DCDC1: variants seen among roughly 807,000 people sequenced by gnomAD.
The protein encoded by DCDC1 is doublecortin domain-containing protein 1.
Under a neutral mutation model 178.3 loss-of-function variants are expected in DCDC1, and 200 were observed. The observed-to-expected ratio is 1.12, with a 90% CI of 1.00 to 1.26. DCDC1 has a LOEUF of 1.26. DCDC1 is among the 50% of genes most tolerant of loss of function. The pLI is 0.00. For missense variants in DCDC1, 1,983 were observed against 1,749.2 expected (o/e 1.13, Z -2.38); for synonymous variants, 690 against 604.8 (o/e 1.14, Z -2.07).
intron 36 of DCDC1, among the ~76,000 whole-genome samples, chr11:30,889,904 C>A (rs1443608736): frequency 1.3e-5 from 2 of 152,096 alleles, no homozygotes; most frequent in East Asian, 3.9e-4. Flanking sequence ...TGACTATATT[C>A]GAAGATAGAG....
chr11:31,111,450 T>C (rs540305808), intron 11 of DCDC1, among the ~76,000 whole-genome samples: 12 of 152,268 alleles, frequency 7.9e-5, no homozygotes, highest in South Asian at 2.1e-4. Context: ...TGTCAAAAAT[T>C]GCAGGTTTCA....
At chr11:30,868,319 C>T (rs1310227292) in intron 38 of DCDC1, among the ~76,000 whole-genome samples, 3 of 128,718 alleles carry the variant, frequency 2.3e-5, no homozygotes, top group Non-Finnish European at 4.7e-5. Context: ...GGTGTGATCT[C>T]GGCTCACTGC....
At chr11:31,322,652 G>A (rs1021423479) in intron 3 of DCDC1, among the ~76,000 whole-genome samples, 3 of 152,154 alleles carry the variant, frequency 2.0e-5, no homozygotes, top group African/African-American at 7.2e-5. Context: ...CATGTGATGA[G>A]CCATCTTGCA....
chr11:31,287,391 A>G (rs1172349090), intron 7 of DCDC1, among the ~76,000 whole-genome samples: 2 of 152,012 alleles, frequency 1.3e-5, no homozygotes, highest in Non-Finnish European at 2.9e-5. Context: ...GGAGTTCCAT[A>G]AAATAATAAC....
rs372464522 is a variant in DCDC1, at chr11:31,081,518, G to A, written c.2238-3593C>T. 1.9e-3 allele frequency among the ~76,000 whole-genome samples: 296 copies of A among 152,206 alleles called. 1 individual carries two copies. The highest frequency in any genetic ancestry group is 6.8e-3 in the African/African-American group (284 of 41,528). ...CCAGCTACTCGGGAGGCTGAGACAG[G>A]AGAATCGCTTGAACCCAGGAGGCGG... On this transcript the variant is annotated intron_variant, in intron 17 of 38. Transcript: ENST00000684477.
intron 17 of DCDC1, among the ~76,000 whole-genome samples, chr11:31,085,630 T>C (rs1159112821): frequency 6.6e-6 from 1 of 152,136 alleles, no homozygotes; most frequent in Non-Finnish European, 1.5e-5. Flanking sequence ...CACCTATGGA[T>C]GGGATGGACA....
At chr11:31,355,297 A>C (rs1374005960) in intron 1 of DCDC1, among the ~76,000 whole-genome samples, 1 of 152,110 alleles carries the variant, frequency 6.6e-6, no homozygotes, top group African/African-American at 2.4e-5. Context: ...GGCTGACTAC[A>C]TGAGAAGGCT....
chr11:31,125,164 CAT>C (rs1961419473), intron 11 of DCDC1, among the ~76,000 whole-genome samples: 1 of 151,936 alleles, frequency 6.6e-6, no homozygotes, highest in South Asian at 2.1e-4. Flanking sequence ...GGCCAATAAA[CAT>C]ATGAAAAAAA....
intron 7 of DCDC1, among the ~76,000 whole-genome samples, chr11:31,280,204 C>T (rs1946322965): frequency 6.6e-6 from 1 of 152,124 alleles, no homozygotes; most frequent in Admixed American, 6.6e-5. Context: ...GTAGACGTTG[C>T]TACCTTATTT....
chr11:31,331,668 G>T (rs1007181880), intron 2 of DCDC1, among the ~76,000 whole-genome samples: 1 of 152,158 alleles, frequency 6.6e-6, no homozygotes, highest in Non-Finnish European at 1.5e-5. Flanking sequence ...CTGTTTATGT[G>T]ATGGATTATG....
chr11:31,321,430 G>A (rs560631149), intron 3 of DCDC1, among the ~76,000 whole-genome samples: 18 of 150,980 alleles, frequency 1.2e-4, no homozygotes, highest in African/African-American at 3.2e-4. Flanking sequence ...AGGTGCGTCC[G>A]TCACCCCTTT....
At chr11:30,987,558 T>C (rs1204093828) in intron 20 of DCDC1, among the ~76,000 whole-genome samples, 1 of 152,136 alleles carries the variant, frequency 6.6e-6, no homozygotes, top group Non-Finnish European at 1.5e-5. Context: ...TATGGCTAAT[T>C]TTTATGGAGT....
chr11:31,139,431 G>A (rs1045119171), intron 9 of DCDC1, among the ~76,000 whole-genome samples: 5 of 152,190 alleles, frequency 3.3e-5, no homozygotes, highest in African/African-American at 1.2e-4. Flanking sequence ...GTGAACCATG[G>A]CACAACATAT....
chr11:31,080,498 C>T (rs766999677), intron 17 of DCDC1, among the ~76,000 whole-genome samples: 1 of 152,122 alleles, frequency 6.6e-6, no homozygotes. Context: ...TAACTTAATA[C>T]ATATTGATAT....
intron 10 of DCDC1, among the ~76,000 whole-genome samples, chr11:31,132,636 G>A (rs929108544): frequency 1.3e-5 from 2 of 152,204 alleles, no homozygotes; most frequent in Admixed American, 6.5e-5. Context: ...GTGTGTGGGG[G>A]CATCCATGTG....
At chr11:31,238,423 G>T (rs1263214298) in intron 9 of DCDC1, among the ~76,000 whole-genome samples, 2 of 152,092 alleles carry the variant, frequency 1.3e-5, no homozygotes, top group Admixed American at 1.3e-4. Flanking sequence ...GTGCAGCCTT[G>T]TGTTTTGGCC....
intron 1 of DCDC1, among the ~76,000 whole-genome samples, chr11:31,354,409 C>T (rs1321389136): frequency 6.6e-6 from 1 of 152,174 alleles, no homozygotes; most frequent in African/African-American, 2.4e-5. Flanking sequence ...TCTTTCCTAT[C>T]AACTCTTTTT....
chr11:30,922,737 A>C, intron 23 of DCDC1, 99 bp from the exon 24 acceptor site: 2 of 1,183,708 alleles, frequency 1.7e-6, no homozygotes, highest in Non-Finnish European at 2.2e-6. Flanking sequence ...AAAATGTCCT[A>C]TTAATATAAT....
chr11:31,363,327 T>C (rs1418509152), intron 1 of DCDC1, among the ~76,000 whole-genome samples: 3 of 152,118 alleles, frequency 2.0e-5, no homozygotes, highest in East Asian at 1.9e-4. Flanking sequence ...TAAAAACCTA[T>C]AATAATGACA....
Sources: gnomAD v4.1 joint callset for allele counts (sites outside exome capture counted in the v4.1 genomes callset) on GRCh38, gnomAD v4.1.1 for gene constraint, MANE v1.5 for transcripts, NCBI Gene and HGNC (gene_info 2026-07-23, HGNC 2026-07-21) for gene names.